Variants in NAALADL2 observed in about 807,000 individuals in gnomAD.
The protein encoded by NAALADL2 is inactive N-acetylated-alpha-linked acidic dipeptidase-like protein 2.
A neutral mutation model predicts 87.2 loss-of-function variants in NAALADL2; 76 were observed. The observed-to-expected ratio is 0.87, with a 90% CI of 0.72 to 1.05. The LOEUF is 1.05. NAALADL2 is among the 50% of genes least tolerant of loss of function. NAALADL2 has a pLI of 0.00. For synonymous variants in NAALADL2, 354 were observed against 331.0 expected (o/e 1.07, Z -0.75); for missense variants, 1,089 against 945.8 (o/e 1.15, Z -1.99).
At chr3:175,404,931 TATTTTA>T (rs1712042369) in intron 5 of NAALADL2, among the ~76,000 whole-genome samples, 4 of 152,136 alleles carry the variant, frequency 2.6e-5, no homozygotes, top group Admixed American at 2.0e-4. Flanking sequence ...TCCAGGAAAA[TATTTTA>T]ATTTTATTAT....
intron 11 of NAALADL2, among the ~76,000 whole-genome samples, chr3:175,633,409 G>C (rs1242064082): frequency 6.6e-6 from 1 of 151,654 alleles, no homozygotes; most frequent in Non-Finnish European, 1.5e-5. Flanking sequence ...AATGATCATT[G>C]GTAACTTGTA....
intron 2 of NAALADL2, among the ~76,000 whole-genome samples, chr3:174,725,569 A>G (rs1732101212): frequency 6.6e-6 from 1 of 151,926 alleles, no homozygotes; most frequent in African/African-American, 2.4e-5. Flanking sequence ...ATGTCTGTGC[A>G]TTTAAAAGGT....
chr3:175,745,503 A>C (rs542379538), intron 12 of NAALADL2, among the ~76,000 whole-genome samples: 3 of 152,208 alleles, frequency 2.0e-5, no homozygotes, highest in Non-Finnish European at 4.4e-5. Flanking sequence ...ACTTGTGCAC[A>C]CTATAGATCA....
chr3:174,857,715 G>T (rs545241644), upstream of NAALADL2, among the ~76,000 whole-genome samples: 2 of 152,028 alleles, frequency 1.3e-5, no homozygotes, highest in Non-Finnish European at 2.9e-5. Flanking sequence ...TAGGCAAAGG[G>T]TTATTCTATT....
At position 175,181,678 on chromosome 3, in the gene NAALADL2, CATATATAT is replaced by C. The variant is rs140291952; in HGVS notation, c.546-52234_546-52227del. Among the ~76,000 whole-genome samples the C allele has an allele frequency of 9.4e-3, 485 of 51,798 alleles. 17 individuals are homozygous for C. Among genetic ancestry groups the C allele is most frequent in the South Asian group, 0.019 (22 of 1,186 alleles). The allele number at this position is 51,798 out of a possible 152,430, so 34.0% of individuals were successfully genotyped here. On this transcript the variant is annotated intron_variant, in intron 2 of 13. Coordinates refer to ENST00000454872, the MANE Select transcript of NAALADL2 (RefSeq NM_207015.3). ...TTATGACTGAATAGTATTCCATTGG[CATATATAT>C]ATATATATATATATATATGTGTGTG...
At chr3:174,894,113 A>G (rs1731204811) in intron 1 of NAALADL2, among the ~76,000 whole-genome samples, 1 of 152,200 alleles carries the variant, frequency 6.6e-6, no homozygotes, top group Non-Finnish European at 1.5e-5. Context: ...AAAAGTCACT[A>G]TATCATGTTA....
intron 2 of NAALADL2, among the ~76,000 whole-genome samples, chr3:174,620,206 TG>T (rs1168104099): frequency 2.6e-5 from 4 of 152,026 alleles, no homozygotes; most frequent in African/African-American, 9.7e-5. Flanking sequence ...TGAAAGGCTC[TG>T]GGAATATAAG....
chr3:175,279,974 C>T (rs747572944), intron 4 of NAALADL2, among the ~76,000 whole-genome samples: 36 of 151,726 alleles, frequency 2.4e-4, no homozygotes, highest in Non-Finnish European at 4.1e-4. Context: ...AGGATTTTCT[C>T]TTTTCTTTCT....
chr3:175,610,195 C>T (rs1401669742), intron 10 of NAALADL2, among the ~76,000 whole-genome samples: 1 of 152,066 alleles, frequency 6.6e-6, no homozygotes, highest in East Asian at 1.9e-4. Context: ...TAGAGGATCA[C>T]CCTATGTAAG....
intron 9 of NAALADL2, among the ~76,000 whole-genome samples, chr3:175,475,319 T>C (rs1316914173): frequency 6.6e-6 from 1 of 152,156 alleles, no homozygotes; most frequent in Non-Finnish European, 1.5e-5. Context: ...AAGTAGATTA[T>C]GAAATTAAAG....
intron 12 of NAALADL2, among the ~76,000 whole-genome samples, chr3:175,749,631 T>A (rs946097007): frequency 1.3e-5 from 2 of 152,198 alleles, no homozygotes; most frequent in Admixed American, 1.3e-4. Flanking sequence ...CCCCAAGGCC[T>A]AATGGCCTCT....
At chr3:175,242,151 C>T (rs980105415) in intron 3 of NAALADL2, among the ~76,000 whole-genome samples, 3 of 152,130 alleles carry the variant, frequency 2.0e-5, no homozygotes, top group African/African-American at 4.8e-5. Flanking sequence ...TGAGCCACCG[C>T]GCCCGGCCCT....
At chr3:175,178,276 A>T (rs896311032) in intron 2 of NAALADL2, among the ~76,000 whole-genome samples, 1 of 152,036 alleles carries the variant, frequency 6.6e-6, no homozygotes, top group South Asian at 2.1e-4. Flanking sequence ...TCTCATATAT[A>T]TGTGCATTTA....
At position 174,572,476 on chromosome 3, in the gene NAALADL2, G is replaced by C. The variant is rs116082511; in HGVS notation, c.-115+21839G>C. ...TTGAGAAGCATTTATTTCACTGTTA[G>C]AAACAAGACGAAGATGCAGTAATCA... On this transcript the variant is annotated intron_variant, in intron 2 of 3. Coordinates refer to the NAALADL2 transcript ENST00000434257. Among the ~76,000 whole-genome samples the C allele has an allele frequency of 4.2e-3, 643 of 152,146 alleles. 5 individuals carry two copies. The highest frequency in any genetic ancestry group is 0.015 in the African/African-American group (606 of 41,492).
chr3:175,102,658 A>G (rs978928645), intron 2 of NAALADL2, among the ~76,000 whole-genome samples: 4 of 151,940 alleles, frequency 2.6e-5, no homozygotes, highest in Non-Finnish European at 5.9e-5. Flanking sequence ...AGATGTATCT[A>G]TTTTTAAGTG....
At chr3:174,966,872 G>A (rs1366830661) in intron 1 of NAALADL2, among the ~76,000 whole-genome samples, 2 of 151,980 alleles carry the variant, frequency 1.3e-5, no homozygotes, top group East Asian at 1.9e-4. Context: ...CTGAATCCCT[G>A]GAAAAAACTT....
rs1451736586 is a variant in NAALADL2 at position 174,575,610 on chromosome 3, G to T, written c.-115+24973G>T. Among the ~76,000 whole-genome samples, 4 of 152,174 alleles carry T rather than the reference G, an allele frequency of 2.6e-5. No individual in the cohort carries two copies. In the East Asian group the frequency reaches 7.7e-4, roughly 29 times the overall value. On this transcript the variant is annotated intron_variant, in intron 2 of 3. Transcript: ENST00000434257. ...GGCCAGAAACTATGAGGAAAAACTTGGTTATAAATCTTAAGGAATATTCCA... is the reference window on the plus strand; with the variant it reads ...GGCCAGAAACTATGAGGAAAAACTTTGTTATAAATCTTAAGGAATATTCCA...
intron 3 of NAALADL2, among the ~76,000 whole-genome samples, chr3:174,824,403 C>T (rs556689817): frequency 6.6e-5 from 10 of 152,210 alleles, no homozygotes; most frequent in African/African-American, 9.6e-5. Flanking sequence ...ATTCTGATTT[C>T]GATTGTGAAT....
intron 5 of NAALADL2, among the ~76,000 whole-genome samples, chr3:175,431,942 C>A (rs1017486338): frequency 2.6e-5 from 4 of 151,890 alleles, no homozygotes; most frequent in African/African-American, 9.7e-5. Context: ...CAAGTTGTGA[C>A]CATTCTCCTT....
Sources: gnomAD v4.1 joint callset for allele counts (sites outside exome capture counted in the v4.1 genomes callset) on GRCh38, gnomAD v4.1.1 for gene constraint, MANE v1.5 for transcripts, NCBI Gene and HGNC (gene_info 2026-07-23, HGNC 2026-07-21) for gene names.